The following STARD13 variants were observed in gnomAD, a reference collection of about 807,000 sequenced individuals.
The protein encoded by STARD13 is stAR-related lipid transfer protein 13.
Under a neutral mutation model 106.4 loss-of-function variants are expected in STARD13, and 62 were observed. The observed-to-expected ratio is 0.58, with a 90% CI of 0.48 to 0.72. STARD13 has a LOEUF of 0.72. STARD13 is among the 30% of genes least tolerant of loss of function. The pLI, the probability that STARD13 is intolerant of heterozygous loss-of-function variation, is 0.00. For synonymous variants in STARD13, 565 were observed against 553.0 expected, an observed-to-expected ratio of 1.02 and a Z score of -0.31; for missense variants, 1,387 against 1,424.0, an observed-to-expected ratio of 0.97 and a Z score of 0.42.
the STARD13 span, among the ~76,000 whole-genome samples, chr13:33,465,927 T>A: frequency 6.6e-6 from 1 of 152,178 alleles, no homozygotes; most frequent in South Asian, 2.1e-4. Flanking sequence ...CCTATATATA[T>A]GAATAAATAT....
At chr13:33,321,985 C>T (rs961478518) in intron 1 of STARD13, among the ~76,000 whole-genome samples, 1 of 152,158 alleles carries the variant, frequency 6.6e-6, no homozygotes, top group Non-Finnish European at 1.5e-5. Context: ...TCAGAGTCTG[C>T]GTCCTCTAAT....
chr13:33,628,504 C>T, the STARD13 span, among the ~76,000 whole-genome samples: 7 of 152,192 alleles, frequency 4.6e-5, no homozygotes. Context: ...CTAGCTTTGG[C>T]TTCACTCAGC....
intron 1 of STARD13, among the ~76,000 whole-genome samples, chr13:33,240,409 C>T (rs999201858): frequency 2.0e-5 from 3 of 152,032 alleles, no homozygotes; most frequent in African/African-American, 7.2e-5. Flanking sequence ...TTTTCTACTT[C>T]TGCAAAATAA....
chr13:33,272,564 G>A (rs933737322), intron 1 of STARD13: 6 of 152,158 alleles, frequency 3.9e-5, no homozygotes, highest in African/African-American at 1.4e-4. Flanking sequence ...GACAAACCCT[G>A]AGTCTTTTCA....
Position 33,129,967 on chromosome 13 carries a change from C to T in STARD13, c.710G>A (p.Arg237Lys). ...LVSSSLPQPP[R>K]DVLNHPFHPK... ...GTGGAAGGGGTGGTTGAGGACATCTCTGGGGGGCTGTGGGAGGCTGCTGCT... is the reference window on the plus strand; with the variant it reads ...GTGGAAGGGGTGGTTGAGGACATCTTTGGGGGGCTGTGGGAGGCTGCTGCT... Residue 237 changes from arginine (R) to lysine (K), a missense_variant, in exon 5 of 14, where the codon AGA (arginine) becomes AAA (lysine). Coordinates refer to ENST00000336934, the MANE Select transcript of STARD13 (RefSeq NM_178006.4). 6.2e-7 allele frequency: 1 copy of T among 1,613,346 alleles called. No homozygotes were observed. Among genetic ancestry groups the T allele is most frequent in the Non-Finnish European group, 8.5e-7 (1 of 1,179,850 alleles).
chr13:33,587,754 T>C, the STARD13 span, among the ~76,000 whole-genome samples: 1 of 152,198 alleles, frequency 6.6e-6, no homozygotes, highest in African/African-American at 2.4e-5. Context: ...AACAAGGTAG[T>C]CTTCAGCCAC....
At chr13:33,185,906 G>A (rs1885718047) in intron 1 of STARD13, 1 of 1,614,196 alleles carries the variant, frequency 6.2e-7, no homozygotes, top group Non-Finnish European at 8.5e-7. Context: ...GGTTCACTCT[G>A]CTTTTCTGTT....
chr13:33,148,298 T>C (rs528276396), intron 3 of STARD13, among the ~76,000 whole-genome samples: 1 of 152,290 alleles, frequency 6.6e-6, no homozygotes, highest in South Asian at 2.1e-4. Flanking sequence ...ACAAGCTATA[T>C]ACAGAGAGAG....
the STARD13 span, among the ~76,000 whole-genome samples, chr13:33,564,135 G>A: frequency 7.0e-6 from 1 of 142,364 alleles, no homozygotes; most frequent in Non-Finnish European, 1.5e-5. Flanking sequence ...TTGAACCTGG[G>A]AGGCAGAGGT....
At chr13:33,610,464 C>G in the STARD13 span, among the ~76,000 whole-genome samples, 20,810 of 152,300 alleles carry the variant, frequency 0.14, 2,282 homozygotes, top group African/African-American at 0.29. Context: ...CATGGACTCC[C>G]TGGGCACAGC....
chr13:33,452,437 A>G, the STARD13 span, among the ~76,000 whole-genome samples: 2 of 152,208 alleles, frequency 1.3e-5, no homozygotes, highest in African/African-American at 4.8e-5. Flanking sequence ...CTAGAGCTTC[A>G]TGCTTAAATA....
chr13:33,462,953 A>G, the STARD13 span, among the ~76,000 whole-genome samples: 1 of 152,196 alleles, frequency 6.6e-6, no homozygotes, highest in Non-Finnish European at 1.5e-5. Flanking sequence ...CCGCCACAAT[A>G]TTTTAAATTG....
chr13:33,107,604 A>G (rs1203178587), intron 12 of STARD13, among the ~76,000 whole-genome samples: 3 of 152,182 alleles, frequency 2.0e-5, no homozygotes, highest in African/African-American at 4.8e-5. Flanking sequence ...GAAGAAATGA[A>G]TATGGTTGAT....
chr13:33,117,022 T>G (rs868364463), intron 8 of STARD13, among the ~76,000 whole-genome samples: 1 of 152,176 alleles, frequency 6.6e-6, no homozygotes, highest in Non-Finnish European at 1.5e-5. Context: ...GCCAAATGGC[T>G]TTTTTCCCCC....
chr13:33,180,303 G>A (rs1362163391), intron 1 of STARD13: 1 of 152,218 alleles, frequency 6.6e-6, no homozygotes, highest in African/African-American at 2.4e-5. Context: ...GGCTGGGGAA[G>A]ACAGTATTGC....
chr13:33,452,268 A>C, the STARD13 span, among the ~76,000 whole-genome samples: 1 of 151,852 alleles, frequency 6.6e-6, no homozygotes, highest in African/African-American at 2.4e-5. Flanking sequence ...CGGGGCACAC[A>C]TGGGAGGAAC....
At chr13:33,282,094 A>G (rs1471913271) in intron 1 of STARD13, among the ~76,000 whole-genome samples, 1 of 151,786 alleles carries the variant, frequency 6.6e-6, no homozygotes, top group Non-Finnish European at 1.5e-5. Context: ...TCTCCTATCC[A>G]CTCCCAAGCG....
At chr13:33,447,405 A>G in the STARD13 span, among the ~76,000 whole-genome samples, 1 of 152,148 alleles carries the variant, frequency 6.6e-6, no homozygotes, top group Non-Finnish European at 1.5e-5. Context: ...CTCTTTTCCA[A>G]CCATGAAACT....
chr13:33,351,504 TACTGTCTCAGGCCTCGGG>T (rs1331185596), upstream of STARD13, among the ~76,000 whole-genome samples: 3 of 152,168 alleles, frequency 2.0e-5, no homozygotes, highest in African/African-American at 7.2e-5. Context: ...GAGAAGACAA[TACTGTCTCAGGCCTCGGG>T]GTGTCCTGCA....
Sources: allele counts gnomAD v4.1 joint callset (sites outside exome capture counted in the v4.1 genomes callset), GRCh38; gene constraint gnomAD v4.1.1; transcripts MANE v1.5; gene names NCBI Gene and HGNC (gene_info 2026-07-23, HGNC 2026-07-21).